HECW1: variants seen among roughly 807,000 people sequenced by gnomAD.
The protein encoded by HECW1 is HECT, C2 and WW domain containing E3 ubiquitin protein ligase 1, also known as E3 ubiquitin-protein ligase HECW1.
Under a neutral mutation model 182.3 loss-of-function variants are expected in HECW1, and 61 were observed. The observed-to-expected ratio is 0.33, with a 90% confidence interval of 0.27 to 0.41. HECW1 has a LOEUF of 0.41. HECW1 is among the 10% of genes least tolerant of loss of function. The probability of loss-of-function intolerance (pLI) is 1.00; values close to 1 mark genes in which losing one functional copy is unlikely to be tolerated. For synonymous variants in HECW1, 859 were observed against 832.6 expected (o/e 1.03, Z -0.55); for missense variants, 1,739 against 2,108.9 (o/e 0.82, Z 3.44).
chr7:43,488,540 C>T (rs1453577541), intron 17 of HECW1, among the ~76,000 whole-genome samples: 2 of 152,006 alleles, frequency 1.3e-5, no homozygotes, highest in African/African-American at 4.8e-5. Flanking sequence ...GCCATGTTGG[C>T]ATCATGTTTG....
At chr7:43,320,850 T>C (rs1393705420) in intron 5 of HECW1, 108 bp downstream of exon 5, 3 of 796,122 alleles carry the variant, frequency 3.8e-6, no homozygotes, top group Non-Finnish European at 6.5e-6. Flanking sequence ...ATGGGCCCTC[T>C]AAAAGAGAGG....
At chr7:43,442,654 C>A in intron 10 of HECW1, 25 bp downstream of exon 10, 3 of 1,477,262 alleles carry the variant, frequency 2.0e-6, no homozygotes, top group South Asian at 1.1e-5. Context: ...AACTTCATGT[C>A]TTGTCCTAGG....
intron 14 of HECW1, among the ~76,000 whole-genome samples, chr7:43,465,173 A>G (rs11978372): frequency 0.011 from 1,609 of 152,332 alleles, 31 homozygotes; most frequent in African/African-American, 0.037. Flanking sequence ...AAACATGAGG[A>G]AAAAGCAGCA....
At chr7:43,256,862 A>G (rs73318480) in intron 3 of HECW1, among the ~76,000 whole-genome samples, 3,852 of 152,274 alleles carry the variant, frequency 0.025, 137 homozygotes, top group African/African-American at 0.078. Context: ...GAAAGAAAGT[A>G]AGGTATATAA....
intron 2 of HECW1, among the ~76,000 whole-genome samples, chr7:43,233,993 C>T (rs1182079854): frequency 1.3e-5 from 2 of 152,218 alleles, no homozygotes; most frequent in Admixed American, 6.5e-5. Context: ...TAAGCTTCAT[C>T]GCAGGTAGCG....
intron 5 of HECW1, among the ~76,000 whole-genome samples, chr7:43,322,851 C>G (rs1810312485): frequency 6.6e-6 from 1 of 152,136 alleles, no homozygotes; most frequent in Non-Finnish European, 1.5e-5. Context: ...TCCCTTTGGC[C>G]TCTAATTAAT....
intron 2 of HECW1, among the ~76,000 whole-genome samples, chr7:43,135,215 G>T (rs1047370482): frequency 3.9e-5 from 6 of 152,008 alleles, no homozygotes; most frequent in African/African-American, 1.2e-4. Flanking sequence ...TACAGGGAGG[G>T]GGTAGTCATA....
intron 2 of HECW1, among the ~76,000 whole-genome samples, chr7:43,143,201 A>G (rs1788351748): frequency 1.3e-5 from 2 of 152,012 alleles, no homozygotes; most frequent in South Asian, 4.2e-4. Context: ...GAACTCCTGA[A>G]CTCAGATGAT....
At chr7:43,516,389 A>G (rs989829515) in intron 24 of HECW1, among the ~76,000 whole-genome samples, 3 of 152,240 alleles carry the variant, frequency 2.0e-5, no homozygotes, top group African/African-American at 7.2e-5. Flanking sequence ...TCTCATTTCA[A>G]TTTTTAGTTC....
At chr7:43,521,561 C>G (rs1040863964) in intron 24 of HECW1, among the ~76,000 whole-genome samples, 11 of 152,150 alleles carry the variant, frequency 7.2e-5, no homozygotes, top group African/African-American at 2.4e-4. Context: ...GAAACTTAAC[C>G]CCCAAGGTGA....
intron 24 of HECW1, among the ~76,000 whole-genome samples, chr7:43,522,105 T>G (rs1216533014): frequency 6.6e-6 from 1 of 152,214 alleles, no homozygotes; most frequent in Non-Finnish European, 1.5e-5. Flanking sequence ...GATCTTGGAT[T>G]TCTCAGCCTT....
chr7:43,398,921 T>TG (rs1318643281), intron 7 of HECW1, among the ~76,000 whole-genome samples: 1 of 152,136 alleles, frequency 6.6e-6, no homozygotes, highest in Non-Finnish European at 1.5e-5. Context: ...AGTTCCTGGG[T>TG]GGGGGTCACA....
chr7:43,237,147 AGGTAGGTAGGTAGGTAGGT>A (rs1798445153), intron 2 of HECW1, among the ~76,000 whole-genome samples: 1 of 83,516 alleles, frequency 1.2e-5, no homozygotes, highest in Non-Finnish European at 2.4e-5. Context: ...GGAAGTAGGT[AGGTAGGTAGGTAGGTAGGT>A]AGGTAGGTAG....
At chr7:43,554,967 CTA>C (rs2081970719) in intron 29 of HECW1, among the ~76,000 whole-genome samples, 177 bp downstream of exon 29, 1 of 152,166 alleles carries the variant, frequency 6.6e-6, no homozygotes, top group Admixed American at 6.5e-5. Flanking sequence ...TGCACTGAAA[CTA>C]TATTATTCTT....
At chr7:43,465,386 A>G (rs530918621) in intron 14 of HECW1, among the ~76,000 whole-genome samples, 1 of 152,200 alleles carries the variant, frequency 6.6e-6, no homozygotes, top group South Asian at 2.1e-4. Flanking sequence ...GGAGTCGGCC[A>G]CAGGCTGACC....
chr7:43,525,407 GA>G (rs2080717298), intron 24 of HECW1, among the ~76,000 whole-genome samples: 1 of 152,294 alleles, frequency 6.6e-6, no homozygotes, highest in Middle Eastern at 3.4e-3. Flanking sequence ...CAAATTATAT[GA>G]AAGTATAAAG....
intron 2 of HECW1, among the ~76,000 whole-genome samples, chr7:43,132,405 G>A (rs965216791): frequency 1.8e-4 from 28 of 152,088 alleles, no homozygotes; most frequent in South Asian, 8.3e-4. Context: ...CTTAATTGTC[G>A]TATCATCGAA....
At position 43,445,263 on chromosome 7, in the gene HECW1, C is replaced by T. The variant is rs1313287470; in HGVS notation, c.2091C>T (p.Cys697=). The change falls in exon 11 of 30, where the codon TGC becomes TGT. Residue 697 remains cysteine (C), a synonymous_variant. Transcript: ENST00000395891. ...CYSTSCYSSS[C]YSASCYSPSC... ...GCACGTCCTGCTACAGCAGCTCGTGCTACAGCGCCTCGTGCTACAGCCCCT... is the reference window on the plus strand; with the variant it reads ...GCACGTCCTGCTACAGCAGCTCGTGTTACAGCGCCTCGTGCTACAGCCCCT... 1.9e-6 allele frequency: 3 copies of T among 1,612,746 alleles called. No homozygotes were observed. The African/African-American group carries it at 4.0e-5, about 22-fold the overall frequency.
intron 8 of HECW1, among the ~76,000 whole-genome samples, chr7:43,426,075 A>T (rs1240364092): frequency 6.6e-6 from 1 of 152,128 alleles, no homozygotes; most frequent in Non-Finnish European, 1.5e-5. Flanking sequence ...TTTCTTGCTA[A>T]CAAGCTGTCT....
Sources: gnomAD v4.1 joint callset for allele counts (sites outside exome capture counted in the v4.1 genomes callset) on GRCh38, gnomAD v4.1.1 for gene constraint, MANE v1.5 for transcripts, NCBI Gene and HGNC (gene_info 2026-07-23, HGNC 2026-07-21) for gene names.